ZNF532: variants seen among roughly 807,000 people sequenced by gnomAD.
ZNF532 encodes the protein zinc finger protein 532.
A neutral mutation model predicts 89.3 loss-of-function variants in ZNF532; 22 were observed. The ratio of observed to expected loss-of-function variants is 0.25; its 90% CI spans 0.18 to 0.35. The LOEUF (loss-of-function observed/expected upper bound fraction) is 0.35. ZNF532 is among the 10% of genes least tolerant of loss of function. ZNF532 has a pLI of 1.00. For synonymous variants in ZNF532, 606 were observed against 649.6 expected (o/e 0.93, Z 1.02); for missense variants, 1,132 against 1,643.4 (o/e 0.69, Z 5.38).
rs2064446984 is a variant in ZNF532 at position 58,953,658 on chromosome 18, G to A, written c.3009G>A (p.Leu1003=). 6.2e-7 allele frequency: 1 copy of A among 1,613,862 alleles called. No homozygotes were observed. Among genetic ancestry groups the A allele is most frequent in the African/African-American group, 1.3e-5 (1 of 74,918 alleles). ...DTKSMNGKEK[L]EKKSPSPVKK... is the part of the protein sequence containing the mutation. ...AATCCATGAATGGGAAAGAGAAATT[G>A]GAAAAGAAATCTCCATCTCCTGTGA... The change falls in exon 7 of 10, where the codon TTG becomes TTA. Residue 1003 remains leucine (L), a synonymous_variant. Transcript: ENST00000591808.
Position 58,939,534 on chromosome 18 carries a change from C to T in ZNF532, c.2618C>T (p.Pro873Leu), listed in dbSNP as rs1158038951. ...GSHCEVFYKCPICPMAFKSAP... is the reference protein window; with the variant it reads ...GSHCEVFYKCLICPMAFKSAP... ...CACTGTGAAGTCTTCTACAAGTGTCCTATTTGTCCAATGGCGTTTAAGTCT... is the reference window on the plus strand; with the variant it reads ...CACTGTGAAGTCTTCTACAAGTGTCTTATTTGTCCAATGGCGTTTAAGTCT... Residue 873 changes from proline to leucine, a missense_variant, in exon 5 of 10, where the codon CCT becomes CTT. Pro to Leu is a moderately conservative substitution (Grantham distance 98). This residue lies in a region of ZNF532 where 415 missense variants were observed against 604.8 expected (regional missense o/e 0.69). Coordinates refer to ENST00000591808, the MANE Select transcript of ZNF532 (RefSeq NM_001375912.1). 6 of 1,613,964 alleles carry T rather than the reference C, an allele frequency of 3.7e-6. No individual in the cohort carries two copies. Among genetic ancestry groups the T allele is most frequent in the Non-Finnish European group, 5.1e-6 (6 of 1,180,034 alleles).
At chr18:58,874,308 A>G (rs557400217) in intron 2 of ZNF532, among the ~76,000 whole-genome samples, 2 of 152,178 alleles carry the variant, frequency 1.3e-5, no homozygotes, top group East Asian at 3.9e-4. Flanking sequence ...TGGTTGGAGA[A>G]TCTTGTCTGA....
intron 2 of ZNF532, among the ~76,000 whole-genome samples, chr18:58,910,834 T>TA (rs1282479938): frequency 1.3e-5 from 2 of 151,510 alleles, no homozygotes; most frequent in African/African-American, 4.8e-5. Flanking sequence ...ACATTTGTGA[T>TA]ACAGAACTAT....
chr18:58,960,151 C>A (rs1365434266), intron 7 of ZNF532, among the ~76,000 whole-genome samples: 1 of 152,200 alleles, frequency 6.6e-6, no homozygotes, highest in Non-Finnish European at 1.5e-5. Context: ...GTTGCCCAGG[C>A]TGGTCTTGAA....
intron 7 of ZNF532, among the ~76,000 whole-genome samples, chr18:58,959,230 A>G (rs973886398): frequency 6.7e-6 from 1 of 148,482 alleles, no homozygotes; most frequent in Admixed American, 6.8e-5. Flanking sequence ...ATCAAAATGA[A>G]CCTTAGATCT....
chr18:58,880,656 G>A (rs2057803113), intron 2 of ZNF532, among the ~76,000 whole-genome samples: 1 of 152,168 alleles, frequency 6.6e-6, no homozygotes, highest in African/African-American at 2.4e-5. Flanking sequence ...AGACACTGAA[G>A]GTAGGAAATT....
chr18:58,976,722 G>A (rs755243105), intron 7 of ZNF532, among the ~76,000 whole-genome samples: 8 of 151,974 alleles, frequency 5.3e-5, no homozygotes, highest in Non-Finnish European at 1.0e-4. Context: ...TAGTAGAGAC[G>A]GGGTTTCACC....
In ZNF532 at chr18:58,984,760, CT is replaced by C; in HGVS notation, c.*299del. On this transcript the variant is annotated 3_prime_UTR_variant, in exon 10 of 10. Coordinates refer to ENST00000591808, the MANE Select transcript of ZNF532 (RefSeq NM_001375912.1). ...TGAGTTGTTTTGGGTTAGAATTTTT[CT>C]TTTTGTACTGTTTCTTTAAAACAGA... 2 of 219,860 alleles carry C rather than the reference CT, an allele frequency of 9.1e-6. No homozygotes were observed. Among genetic ancestry groups the C allele is most frequent in the African/African-American group, 4.5e-5 (2 of 44,026 alleles). 13.6% of individuals were successfully genotyped at this position (219,860 alleles called of 1,614,324 possible).
chr18:58,906,038 C>T (rs1477071017), intron 2 of ZNF532, among the ~76,000 whole-genome samples: 5 of 152,102 alleles, frequency 3.3e-5, no homozygotes, highest in South Asian at 2.1e-4. Context: ...CATCACAGCC[C>T]GGGGACATAC....
chr18:58,907,564 C>T (rs759104688), intron 2 of ZNF532, among the ~76,000 whole-genome samples: 23 of 151,912 alleles, frequency 1.5e-4, no homozygotes, highest in Non-Finnish European at 2.4e-4. Context: ...GGTGCGATCC[C>T]GGCGGAGAAG....
At chr18:58,904,978 A>T (rs899789113) in intron 2 of ZNF532, among the ~76,000 whole-genome samples, 7 of 151,792 alleles carry the variant, frequency 4.6e-5, no homozygotes, top group Non-Finnish European at 1.0e-4. Context: ...AGTAGCTGAG[A>T]CTACAGGTGC....
intron 6 of ZNF532, among the ~76,000 whole-genome samples, chr18:58,952,236 G>A (rs565169434): frequency 2.0e-5 from 3 of 152,204 alleles, no homozygotes; most frequent in African/African-American, 7.2e-5. Flanking sequence ...ATGTGTGAAA[G>A]CCTCTTAGGA....
chr18:58,952,973 A>G (rs1450070240), intron 6 of ZNF532, among the ~76,000 whole-genome samples: 1 of 152,224 alleles, frequency 6.6e-6, no homozygotes. Context: ...GGAGATGAAA[A>G]TTCCTGACAA....
At chr18:58,899,375 G>A (rs1199645640) in intron 2 of ZNF532, among the ~76,000 whole-genome samples, 1 of 152,064 alleles carries the variant, frequency 6.6e-6, no homozygotes. Flanking sequence ...CCTTTCAATT[G>A]GATTGTCTCC....
At chr18:58,963,473 G>A (rs191885609) in intron 7 of ZNF532, among the ~76,000 whole-genome samples, 366 of 152,262 alleles carry the variant, frequency 2.4e-3, no homozygotes, top group Middle Eastern at 6.8e-3. Context: ...CAGGTGTGCT[G>A]TTGTTACTTT....
intron 3 of ZNF532, among the ~76,000 whole-genome samples, chr18:58,932,708 G>C (rs2062059964): frequency 6.6e-6 from 1 of 152,066 alleles, no homozygotes; most frequent in Non-Finnish European, 1.5e-5. Context: ...GATGTTATCT[G>C]CTTCATAGGT....
chr18:58,914,110 TCTTTTGACTTCATAA>T (rs2060448073), intron 2 of ZNF532, among the ~76,000 whole-genome samples: 1 of 152,250 alleles, frequency 6.6e-6, no homozygotes, highest in African/African-American at 2.4e-5. Context: ...CTTACGTTTT[TCTTTTGACTTCATAA>T]CTTTTGACTT....
intron 3 of ZNF532, among the ~76,000 whole-genome samples, chr18:58,931,164 A>G (rs2061930801): frequency 4.6e-5 from 7 of 152,242 alleles, no homozygotes; most frequent in Admixed American, 3.9e-4. Context: ...CAAGACACAC[A>G]TAAAACCACT....
chr18:58,918,097 T>C (rs1603067840), intron 2 of ZNF532, among the ~76,000 whole-genome samples, 174 bp from the exon 3 acceptor site: 1 of 152,226 alleles, frequency 6.6e-6, no homozygotes, highest in South Asian at 2.1e-4. Flanking sequence ...AGGTCTTACA[T>C]GTATTTTCTC....
Sources: gnomAD v4.1 joint callset for allele counts (sites outside exome capture counted in the v4.1 genomes callset) on GRCh38, gnomAD v4.1.1 for gene constraint, gnomAD v4.1.1 regional missense constraint, MANE v1.5 for transcripts, NCBI Gene and HGNC (gene_info 2026-07-23, HGNC 2026-07-21) for gene names.